CABLES1: variants seen among roughly 807,000 people sequenced by gnomAD.
The protein encoded by CABLES1 is CDK5 and ABL1 enzyme substrate 1.
CABLES1 carries 36 observed loss-of-function variants against 57.8 expected under a neutral mutation model. That is an observed-to-expected ratio of 0.62 (90% CI 0.48 to 0.82). CABLES1 has a LOEUF of 0.82. Among genes scored for constraint, CABLES1 ranks in the 40% least tolerant of loss-of-function variants. The pLI, the probability that CABLES1 is intolerant of heterozygous loss-of-function variation, is 0.00. For synonymous variants in CABLES1, 374 were observed against 363.0 expected (o/e 1.03, Z -0.35); for missense variants, 767 against 836.6 (o/e 0.92, Z 1.03).
At chr18:23,160,328 C>A (rs556624138) in intron 1 of CABLES1, among the ~76,000 whole-genome samples, 84 of 152,282 alleles carry the variant, frequency 5.5e-4, no homozygotes, top group African/African-American at 2.0e-3. Context: ...CGCGCCTAGC[C>A]GTGTTGGTTT....
At chr18:23,136,648 C>G in intron 1 of CABLES1, 41 bp downstream of exon 1, 1 of 1,251,280 alleles carries the variant, frequency 8.0e-7, no homozygotes, top group Non-Finnish European at 1.0e-6. Context: ...CCCTGCGTCC[C>G]GCCCGGCGCT....
chr18:23,246,454 A>G (rs554935588), intron 7 of CABLES1, among the ~76,000 whole-genome samples: 2 of 151,806 alleles, frequency 1.3e-5, no homozygotes, highest in East Asian at 1.9e-4. Context: ...TGCAGTGGCA[A>G]GATCTTGGCT....
intron 1 of CABLES1, among the ~76,000 whole-genome samples, chr18:23,169,979 G>A (rs1039331656): frequency 2.6e-5 from 4 of 152,318 alleles, no homozygotes; most frequent in Admixed American, 6.5e-5. Context: ...CTGTAGCCGC[G>A]TGGGAGGGGG....
intron 1 of CABLES1, among the ~76,000 whole-genome samples, chr18:23,144,192 G>T (rs559553863): frequency 1.3e-5 from 2 of 152,322 alleles, no homozygotes; most frequent in East Asian, 1.9e-4. Context: ...CTTCAGCCCT[G>T]GTCTGACTGG....
chr18:23,253,261 T>C (rs775790237), intron 8 of CABLES1, among the ~76,000 whole-genome samples, 195 bp downstream of exon 8: 12 of 152,168 alleles, frequency 7.9e-5, no homozygotes, highest in Non-Finnish European at 1.6e-4. Context: ...AGTGGGCGGA[T>C]CACCTGAGGT....
At chr18:23,146,278 C>T (rs1423265844) in intron 1 of CABLES1, among the ~76,000 whole-genome samples, 2 of 152,022 alleles carry the variant, frequency 1.3e-5, no homozygotes, top group Non-Finnish European at 2.9e-5. Flanking sequence ...GGGGGACAAA[C>T]GGTTGATGTG....
rs563793048 is a variant in CABLES1, at chr18:23,184,622, G to A, written c.846-4216G>A. ...AGAGGCTGAGGCACAAGAATTGATT[G>A]AGCCTGGGAGGCAGAGGTTGCAGTG... On this transcript the variant is annotated intron_variant, in intron 1 of 9. Transcript: ENST00000256925. Among the ~76,000 whole-genome samples the A allele has an allele frequency of 2.2e-3, 341 of 152,242 alleles. 1 individual carries two copies. The highest frequency in any genetic ancestry group is 3.5e-3 in the Non-Finnish European group (236 of 68,012).
chr18:23,146,599 A>G (rs748001576), intron 1 of CABLES1, among the ~76,000 whole-genome samples: 1 of 152,212 alleles, frequency 6.6e-6, no homozygotes. Flanking sequence ...TGAGATTACA[A>G]ATGTCTCAAT....
At chr18:23,257,091 CT>C (rs985919947) in intron 9 of CABLES1, 135 bp from the exon 10 acceptor site, 15 of 955,332 alleles carry the variant, frequency 1.6e-5, no homozygotes, top group Non-Finnish European at 2.3e-5. Context: ...GCCTCCCTTT[CT>C]TCCTCCACAG....
At chr18:23,168,377 G>A (rs2047058450) in intron 1 of CABLES1, among the ~76,000 whole-genome samples, 1 of 152,216 alleles carries the variant, frequency 6.6e-6, no homozygotes, top group African/African-American at 2.4e-5. Flanking sequence ...AACAGTGTGT[G>A]CCTCCACTTC....
At chr18:23,234,749 A>G (rs201020027) in intron 5 of CABLES1, 45 bp downstream of exon 5, 1 of 1,492,244 alleles carries the variant, frequency 6.7e-7, no homozygotes, top group Non-Finnish European at 9.3e-7. Flanking sequence ...CTGAAGGCAC[A>G]AGGGTCAGGA....
chr18:23,166,974 C>G (rs563461786), intron 1 of CABLES1, among the ~76,000 whole-genome samples: 1 of 152,216 alleles, frequency 6.6e-6, no homozygotes, highest in East Asian at 1.9e-4. Context: ...TGGCATTTCC[C>G]CCGTTTTATA....
intron 1 of CABLES1, among the ~76,000 whole-genome samples, chr18:23,185,493 G>C (rs2145011007): frequency 6.9e-6 from 1 of 145,346 alleles, no homozygotes; most frequent in Non-Finnish European, 1.5e-5. Flanking sequence ...ACATTGTTGA[G>C]TGGGTGGGGG....
At chr18:23,244,564 G>A (rs777355451) in intron 7 of CABLES1, among the ~76,000 whole-genome samples, 8 of 152,202 alleles carry the variant, frequency 5.3e-5, no homozygotes, top group Non-Finnish European at 8.8e-5. Flanking sequence ...AGATTTAGTC[G>A]AGGGCCACCG....
In CABLES1 at chr18:23,194,572, AC is replaced by A. The variant is rs775152276; in HGVS notation, c.1010+34del. On this transcript the variant is annotated intron_variant, in intron 3 of 9. Transcript: ENST00000256925. Reference sequence around the variant, plus strand: ...CATTCACACAGAAGCGGCTGCCAGCACCAGTGGGTGGAGACAGGGACTGGAG... The same window carrying A: ...CATTCACACAGAAGCGGCTGCCAGCACAGTGGGTGGAGACAGGGACTGGAG... 15 of 1,436,690 alleles carry A rather than the reference AC, an allele frequency of 1.0e-5. No individual in the cohort carries two copies. The East Asian group carries it at 3.4e-4, about 33-fold the overall frequency. 89.0% of individuals were successfully genotyped at this position (1,436,690 alleles called of 1,614,324 possible). A position where few individuals can be genotyped will look rare whatever the true frequency, so the allele number is the denominator to read the frequency against.
At chr18:23,217,882 A>T (rs2047453670) in intron 4 of CABLES1, among the ~76,000 whole-genome samples, 1 of 152,258 alleles carries the variant, frequency 6.6e-6, no homozygotes, top group Admixed American at 6.5e-5. Context: ...CAGCTGAGGC[A>T]CAGTGGGGCG....
intron 1 of CABLES1, among the ~76,000 whole-genome samples, chr18:23,181,149 T>C (rs2047162541): frequency 6.6e-6 from 1 of 152,092 alleles, no homozygotes; most frequent in Non-Finnish European, 1.5e-5. Flanking sequence ...CTGAGGAGGA[T>C]TTCTGGACTC....
At chr18:23,187,311 A>C (rs1233052067) in intron 1 of CABLES1, among the ~76,000 whole-genome samples, 1 of 152,200 alleles carries the variant, frequency 6.6e-6, no homozygotes, top group African/African-American at 2.4e-5. Flanking sequence ...TGCTTGGTTC[A>C]CACACATTGA....
chr18:23,243,469 T>TTTG (rs2047789987), intron 7 of CABLES1, among the ~76,000 whole-genome samples: 1 of 92,608 alleles, frequency 1.1e-5, no homozygotes, highest in Admixed American at 1.5e-4. Flanking sequence ...GGGTTTGGTG[T>TTTG]TTTTTTTTTT....
Sources: allele counts gnomAD v4.1 joint callset (sites outside exome capture counted in the v4.1 genomes callset), GRCh38; gene constraint gnomAD v4.1.1; transcripts MANE v1.5; gene names NCBI Gene and HGNC (gene_info 2026-07-23, HGNC 2026-07-21).